The following ST3GAL1 variants were observed in gnomAD, a reference collection of about 807,000 sequenced individuals.
The protein encoded by ST3GAL1 is ST3 beta-galactoside alpha-2,3-sialyltransferase 1.
A neutral mutation model predicts 34.1 loss-of-function variants in ST3GAL1; 16 were observed. The ratio of observed to expected loss-of-function variants is 0.47; its 90% CI spans 0.32 to 0.71. The LOEUF (loss-of-function observed/expected upper bound fraction) is 0.71, where lower values mean the gene tolerates loss of function less well. Ranked by LOEUF, ST3GAL1 falls within the 30% of genes least tolerant of loss-of-function variation. ST3GAL1 has a pLI of 0.04. For missense variants in ST3GAL1, 353 were observed against 447.4 expected (o/e 0.79, Z 1.90); for synonymous variants, 191 against 184.7 (o/e 1.03, Z -0.28).
chr8:133,551,480 A>G (rs1185375438), intron 1 of ST3GAL1, among the ~76,000 whole-genome samples: 4 of 150,628 alleles, frequency 2.7e-5, no homozygotes, highest in African/African-American at 7.4e-5. Context: ...GAGAGAGAGA[A>G]AGAAAGAAAG....
rs541701111 is a variant in ST3GAL1, at chr8:133,508,016, C to A, written c.-428-8827G>T. ...CCCCTGGGAGGTGCCCACCCTCTCA[C>A]CCCCCACACCCTAGGCAGCCCACAG... On this transcript the variant is annotated intron_variant, in intron 2 of 9. Coordinates refer to ENST00000522652, the MANE Select transcript of ST3GAL1 (RefSeq NM_173344.3). The surrounding 1 kb of genome is among the most constrained non-coding windows in gnomAD (Gnocchi z 4.1). 2.0e-5 allele frequency among the ~76,000 whole-genome samples: 3 copies of A among 152,170 alleles called. No individual in the cohort carries two copies. Among genetic ancestry groups the A allele is most frequent in the Admixed American group, 6.5e-5 (1 of 15,276 alleles).
chr8:133,517,334 C>T (rs1362171412), intron 2 of ST3GAL1, among the ~76,000 whole-genome samples: 1 of 152,114 alleles, frequency 6.6e-6, no homozygotes, highest in African/African-American at 2.4e-5. Context: ...CCCAGTCTTG[C>T]ACTTTTTTAT....
At chr8:133,480,622 T>C (rs1816345180) in intron 3 of ST3GAL1, among the ~76,000 whole-genome samples, 1 of 152,156 alleles carries the variant, frequency 6.6e-6, no homozygotes, top group South Asian at 2.1e-4. Flanking sequence ...GGGTAACCCT[T>C]ACGCTTGTCT....
chr8:133,493,802 C>T lies in ST3GAL1; in HGVS notation c.-374+5333G>A, dbSNP rs185369079. Among the ~76,000 whole-genome samples, 354 of 150,766 alleles carry T rather than the reference C, an allele frequency of 2.3e-3. 1 individual carries two copies. The highest frequency in any genetic ancestry group is 8.2e-3 in the African/African-American group (336 of 40,918). Reference sequence around the variant, plus strand: ...TGGAGGTTGCAGTGAGCTGAGATCACGCCACTGCACTCCAGCCTGGGCGAC... The same window carrying T: ...TGGAGGTTGCAGTGAGCTGAGATCATGCCACTGCACTCCAGCCTGGGCGAC... On this transcript the variant is annotated intron_variant, in intron 3 of 9. Transcript: ENST00000522652.
chr8:133,465,092 A>T (rs181679117), intron 6 of ST3GAL1, 135 bp from the exon 7 acceptor site: 540 of 803,634 alleles, frequency 6.7e-4, no homozygotes, highest in Non-Finnish European at 9.4e-4. Context: ...CCTTCTCCTC[A>T]TCTGTAAAAT....
intron 3 of ST3GAL1, among the ~76,000 whole-genome samples, chr8:133,490,408 G>A (rs1456067902): frequency 6.6e-6 from 1 of 152,238 alleles, no homozygotes; most frequent in African/African-American, 2.4e-5. Flanking sequence ...CGCACACTAG[G>A]CCGGCTCCAG....
intron 2 of ST3GAL1, among the ~76,000 whole-genome samples, chr8:133,521,898 G>T (rs998362225): frequency 6.6e-6 from 1 of 152,126 alleles, no homozygotes; most frequent in African/African-American, 2.4e-5. Context: ...GGTACTTTCT[G>T]GGAGAGTGGT....
intron 2 of ST3GAL1, among the ~76,000 whole-genome samples, chr8:133,509,391 T>A (rs1817440405): frequency 6.6e-6 from 1 of 152,246 alleles, no homozygotes; most frequent in Admixed American, 6.5e-5. Flanking sequence ...TCCACCCTTG[T>A]GTTTCACTTG....
intron 1 of ST3GAL1, among the ~76,000 whole-genome samples, chr8:133,566,341 CAGG>C (rs1380994430): frequency 1.3e-5 from 2 of 152,204 alleles, no homozygotes; most frequent in Non-Finnish European, 2.9e-5. Flanking sequence ...AGTGCTTTTC[CAGG>C]AGTTTTCCAA....
rs771920440 is a variant in ST3GAL1 at position 133,465,971 on chromosome 8, G to A, written c.426C>T (p.Cys142=). 4.2e-5 allele frequency: 68 copies of A among 1,613,986 alleles called. No individual in the cohort carries two copies. The highest frequency in any genetic ancestry group is 5.3e-5 in the Non-Finnish European group (63 of 1,180,024). Residue 142 remains cysteine, a synonymous_variant, in exon 6 of 10, where the codon TGC becomes TGT. Transcript: ENST00000522652. ...GGTTGCCCGAGTTGCCCACAACGGC[G>A]CAGCGCCGGCAGCCCACCGACCTCT... The part of the protein sequence containing the change: ...LEKRSVGCRR[C]AVVGNSGNLR...
At chr8:133,500,648 A>G (rs1456714282) in intron 2 of ST3GAL1, among the ~76,000 whole-genome samples, 1 of 152,144 alleles carries the variant, frequency 6.6e-6, no homozygotes, top group Non-Finnish European at 1.5e-5. Flanking sequence ...ACTGTGCCTC[A>G]GTTTCCTCAT....
Position 133,525,243 on chromosome 8 carries a change from T to C in ST3GAL1, c.-429+20531A>G, listed in dbSNP as rs981536993. 6.6e-5 allele frequency among the ~76,000 whole-genome samples: 10 copies of C among 152,140 alleles called. No individual in the cohort carries two copies. In the East Asian group the frequency reaches 1.5e-3, roughly 23 times the overall value. Reference sequence around the variant, plus strand: ...TCAAGCTTTCAGCAGAGAAGACACATAGTGGGTAGCTCCTTTCTGCAGTTA... The same window carrying C: ...TCAAGCTTTCAGCAGAGAAGACACACAGTGGGTAGCTCCTTTCTGCAGTTA... On this transcript the variant is annotated intron_variant, in intron 2 of 9. Coordinates refer to ENST00000522652, the MANE Select transcript of ST3GAL1 (RefSeq NM_173344.3).
Position 133,456,092 on chromosome 8 carries a change from G to T in ST3GAL1, c.*3672C>A, listed in dbSNP as rs1815287644. ...CTTTTCTCTCTAAGCCTAACCAAATGCTTTGGTGAATGATGCTTGGAAAAG... is the reference window on the plus strand; with the variant it reads ...CTTTTCTCTCTAAGCCTAACCAAATTCTTTGGTGAATGATGCTTGGAAAAG... On this transcript the variant is annotated 3_prime_UTR_variant, in exon 10 of 10. Transcript: ENST00000522652. The T allele has an allele frequency of 1.3e-5, 2 of 151,556 alleles. No individual in the cohort carries two copies. Among genetic ancestry groups the T allele is most frequent in the Non-Finnish European group, 2.9e-5 (2 of 67,942 alleles). 9.4% of individuals were successfully genotyped at this position (151,556 alleles called of 1,614,324 possible).
At chr8:133,528,532 A>G (rs1818043198) in intron 2 of ST3GAL1, among the ~76,000 whole-genome samples, 1 of 152,228 alleles carries the variant, frequency 6.6e-6, no homozygotes, top group South Asian at 2.1e-4. Flanking sequence ...GTTTCCCTCT[A>G]CAGCCTACAC....
intron 1 of ST3GAL1, among the ~76,000 whole-genome samples, chr8:133,565,171 G>GTGTGTA (rs1819356290): frequency 1.3e-5 from 2 of 151,706 alleles, no homozygotes; most frequent in Admixed American, 1.3e-4. Flanking sequence ...GTGTGTGTGT[G>GTGTGTA]TGTGTGTGTG....
chr8:133,460,434 T>C (rs865995062), intron 9 of ST3GAL1, among the ~76,000 whole-genome samples: 1 of 152,204 alleles, frequency 6.6e-6, no homozygotes, highest in African/African-American at 2.4e-5. Context: ...GAATCATGAT[T>C]GCAGTGAGGC....
Position 133,570,053 on chromosome 8 carries a change from C to T in ST3GAL1, c.-582+1640G>A, listed in dbSNP as rs1159866485. The T allele has an allele frequency of 6.6e-6, 1 of 152,308 alleles. No individual in the cohort carries two copies. Among genetic ancestry groups the T allele is most frequent in the East Asian group, 1.9e-4 (1 of 5,188 alleles). The allele number at this position is 152,308 out of a possible 1,614,324, so 9.4% of individuals were successfully genotyped here. A position where few individuals can be genotyped will look rare whatever the true frequency, so the allele number is the denominator to read the frequency against. On this transcript the variant is annotated intron_variant, in intron 1 of 9. Coordinates refer to ENST00000522652, the MANE Select transcript of ST3GAL1 (RefSeq NM_173344.3). This position sits in a 1 kb window ranked among gnomAD's most constrained non-coding sequence, Gnocchi z 5.6. ...GCCTTGTCAATGAACACTGCGTTAG[C>T]ACCTACGACGTGCCAGGCGCCCTGG...
At chr8:133,512,016 G>A (rs561684314) in intron 2 of ST3GAL1, among the ~76,000 whole-genome samples, 1 of 152,322 alleles carries the variant, frequency 6.6e-6, no homozygotes, top group South Asian at 2.1e-4. Context: ...ATGAGCCACT[G>A]CACTACAGCC....
At chr8:133,460,357 G>A (rs1233095695) in intron 9 of ST3GAL1, among the ~76,000 whole-genome samples, 2 of 152,186 alleles carry the variant, frequency 1.3e-5, no homozygotes, top group Admixed American at 6.5e-5. Flanking sequence ...CTGCCACTCC[G>A]TGGTGCCCTG....
Sources: allele counts gnomAD v4.1 joint callset (sites outside exome capture counted in the v4.1 genomes callset), GRCh38; gene constraint gnomAD v4.1.1; non-coding constraint Gnocchi (gnomAD v3.1); transcripts MANE v1.5; gene names NCBI Gene and HGNC (gene_info 2026-07-23, HGNC 2026-07-21).